The following METTL25 variants were observed in gnomAD, a reference collection of about 807,000 sequenced individuals.
METTL25 encodes methyltransferase like 25, also known as probable methyltransferase-like protein 25.
Under a neutral mutation model 71.6 loss-of-function variants are expected in METTL25, and 64 were observed. That is an observed-to-expected ratio of 0.89 (90% CI 0.73 to 1.10). The LOEUF (loss-of-function observed/expected upper bound fraction) is 1.10. Ranked by LOEUF, METTL25 falls within the 50% of genes least tolerant of loss-of-function variation. METTL25 has a pLI of 0.00. For missense variants in METTL25, 807 were observed against 707.0 expected (o/e 1.14, Z -1.60); for synonymous variants, 287 against 250.3 (o/e 1.15, Z -1.38).
At chr12:82,361,966 A>G (rs886559684) in intron 1 of METTL25, among the ~76,000 whole-genome samples, 8 of 152,138 alleles carry the variant, frequency 5.3e-5, no homozygotes, top group African/African-American at 1.4e-4. Context: ...GCACGCTGTC[A>G]CCTCTCAGTC....
intron 5 of METTL25, among the ~76,000 whole-genome samples, chr12:82,426,796 T>C (rs1364823318): frequency 6.6e-6 from 1 of 151,942 alleles, no homozygotes; most frequent in Non-Finnish European, 1.5e-5. Flanking sequence ...ATCCTGTGTT[T>C]CTCTGCCCAT....
chr12:82,440,457 T>A (rs1890232984), intron 8 of METTL25, among the ~76,000 whole-genome samples: 1 of 152,096 alleles, frequency 6.6e-6, no homozygotes, highest in Admixed American at 6.6e-5. Flanking sequence ...GTGTTATTTC[T>A]GGAAATGACA....
intron 1 of METTL25, among the ~76,000 whole-genome samples, chr12:82,377,661 T>C (rs1480523306): frequency 1.3e-5 from 2 of 152,226 alleles, no homozygotes; most frequent in Non-Finnish European, 2.9e-5. Flanking sequence ...GCTTTGAATA[T>C]TTAAAATAAT....
At chr12:82,431,899 C>G (rs1030995762) in intron 6 of METTL25, among the ~76,000 whole-genome samples, 2 of 151,556 alleles carry the variant, frequency 1.3e-5, no homozygotes, top group African/African-American at 4.8e-5. Flanking sequence ...TAATAAAGTG[C>G]TGAATATCTC....
At chr12:82,399,706 T>C (rs1282455106) in intron 4 of METTL25, among the ~76,000 whole-genome samples, 1 of 152,146 alleles carries the variant, frequency 6.6e-6, no homozygotes. Flanking sequence ...TAGTTAAATT[T>C]TAATTTAAAT....
chr12:82,468,886 C>T (rs1229392947), intron 9 of METTL25: 2 of 152,104 alleles, frequency 1.3e-5, no homozygotes, highest in African/African-American at 4.8e-5. Context: ...ACCTCTGCTT[C>T]TCCAATGCCA....
chr12:82,435,566 G>A lies in METTL25; in HGVS notation c.1404+842G>A, dbSNP rs1478905834. 7.9e-5 allele frequency among the ~76,000 whole-genome samples: 12 copies of A among 151,228 alleles called. No individual in the cohort carries two copies. In the Admixed American group the frequency reaches 7.9e-4, roughly 10 times the overall value. On this transcript the variant is annotated intron_variant, in intron 7 of 11. Coordinates refer to ENST00000248306, the MANE Select transcript of METTL25 (RefSeq NM_032230.3). Reference sequence around the variant, plus strand: ...TTGAGTTTGGGGACTTTAAGTGTGTGGGACTTTAGTTACAAACTACTGGTT... The same window carrying A: ...TTGAGTTTGGGGACTTTAAGTGTGTAGGACTTTAGTTACAAACTACTGGTT...
At chr12:82,463,009 A>G (rs554017431) in intron 9 of METTL25, among the ~76,000 whole-genome samples, 1 of 152,234 alleles carries the variant, frequency 6.6e-6, no homozygotes, top group South Asian at 2.1e-4. Context: ...TATATTATGT[A>G]TAGTGATTAG....
intron 9 of METTL25, among the ~76,000 whole-genome samples, chr12:82,459,543 C>T (rs1250153021): frequency 1.3e-5 from 2 of 152,124 alleles, no homozygotes; most frequent in African/African-American, 4.8e-5. Flanking sequence ...AGGTGGATTG[C>T]TTGAGCCCAG....
chr12:82,416,855 A>G (rs918660251), intron 5 of METTL25, among the ~76,000 whole-genome samples: 4 of 152,076 alleles, frequency 2.6e-5, no homozygotes, highest in Admixed American at 1.3e-4. Flanking sequence ...AGTGTTTAAT[A>G]CACCTTTTAT....
At chr12:82,439,741 G>A (rs1297302890) in intron 8 of METTL25, 3 of 305,758 alleles carry the variant, frequency 9.8e-6, no homozygotes, top group Non-Finnish European at 1.4e-5. Context: ...CTGAAAACTA[G>A]TTCCTTCTCT....
chr12:82,408,895 G>A (rs1887327136), intron 5 of METTL25, among the ~76,000 whole-genome samples: 1 of 152,036 alleles, frequency 6.6e-6, no homozygotes, highest in African/African-American at 2.4e-5. Flanking sequence ...TCTCTGAATG[G>A]TCAAATATGT....
chr12:82,448,364 C>T (rs932080980), intron 8 of METTL25, among the ~76,000 whole-genome samples: 2 of 151,736 alleles, frequency 1.3e-5, no homozygotes, highest in Admixed American at 6.6e-5. Flanking sequence ...TGTGATTTAG[C>T]CCATTTATGT....
At chr12:82,464,601 T>C (rs1892109686) in intron 9 of METTL25, among the ~76,000 whole-genome samples, 1 of 152,070 alleles carries the variant, frequency 6.6e-6, no homozygotes, top group Admixed American at 6.6e-5. Context: ...TCTGGATCTT[T>C]TGTAACTCCA....
chr12:82,362,851 A>G (rs1882107649), intron 1 of METTL25, among the ~76,000 whole-genome samples: 1 of 152,234 alleles, frequency 6.6e-6, no homozygotes, highest in African/African-American at 2.4e-5. Context: ...TGCAGATAAC[A>G]ATGATGAAAA....
intron 1 of METTL25, among the ~76,000 whole-genome samples, chr12:82,376,130 C>A (rs545588624): frequency 1.3e-5 from 2 of 152,276 alleles, no homozygotes; most frequent in African/African-American, 4.8e-5. Context: ...GAGCATTGCT[C>A]AAGAAATGGT....
At position 82,460,647 on chromosome 12, in the gene METTL25, C is replaced by T. The variant is rs1891799895; in HGVS notation, c.1572+3827C>T. On this transcript the variant is annotated intron_variant, in intron 9 of 11. Coordinates refer to ENST00000248306, the MANE Select transcript of METTL25 (RefSeq NM_032230.3). ...AGAAACATTCTACAAAATACCTGATCAGTACTTCTCAAAACTGTCAAGGTC... is the reference window on the plus strand; with the variant it reads ...AGAAACATTCTACAAAATACCTGATTAGTACTTCTCAAAACTGTCAAGGTC... Among the ~76,000 whole-genome samples, 3 of 152,296 alleles carry T rather than the reference C, an allele frequency of 2.0e-5. No individual in the cohort carries two copies. The South Asian group carries it at 6.2e-4, about 32-fold the overall frequency.
chr12:82,390,541 T>C (rs1028758571), intron 3 of METTL25, among the ~76,000 whole-genome samples: 2 of 152,132 alleles, frequency 1.3e-5, no homozygotes, highest in Non-Finnish European at 2.9e-5. Flanking sequence ...TTTTTTCTTA[T>C]CTCTAGAAGA....
In METTL25 at chr12:82,434,722, G is replaced by A. The variant is rs1435389299; in HGVS notation, c.1402G>A (p.Gly468Arg). The A allele has an allele frequency of 1.2e-6, 2 of 1,609,150 alleles. No homozygotes were observed. The highest frequency in any genetic ancestry group is 2.7e-5 in the African/African-American group (2 of 74,536). Residue 468 changes from glycine (G) to arginine (R), a missense_variant and splice_region_variant, in exon 7 of 12, where the codon GGG becomes AGG. Coordinates refer to ENST00000248306, the MANE Select transcript of METTL25 (RefSeq NM_032230.3). ...LALERVAAGQGLPTESLFYRA... is the reference protein window; with the variant it reads ...LALERVAAGQRLPTESLFYRA... ...ATTGGAGCGGGTTGCAGCTGGCCAA[G>A]GGGTAAGTAAGAGTGTTAACTGATG...
Sources: allele counts gnomAD v4.1 joint callset (sites outside exome capture counted in the v4.1 genomes callset), GRCh38; gene constraint gnomAD v4.1.1; transcripts MANE v1.5; gene names NCBI Gene and HGNC (gene_info 2026-07-23, HGNC 2026-07-21).